ZNF804A: variants seen among roughly 807,000 people sequenced by gnomAD.
ZNF804A encodes the protein zinc finger protein 804A.
ZNF804A carries 2 observed loss-of-function variants against 16.5 expected under a neutral mutation model. The ratio of observed to expected loss-of-function variants is 0.12; its 90% CI spans 0.05 to 0.38. The LOEUF is 0.38. Among genes scored for constraint, ZNF804A ranks in the 10% least tolerant of loss-of-function variants. The pLI, the probability that ZNF804A is intolerant of heterozygous loss-of-function variation, is 0.99. For synonymous variants in ZNF804A, 534 were observed against 489.6 expected, an observed-to-expected ratio of 1.09 and a Z score of -1.20; for missense variants, 1,473 against 1,390.7, an observed-to-expected ratio of 1.06 and a Z score of -0.94.
intron 1 of ZNF804A, among the ~76,000 whole-genome samples, chr2:184,837,395 T>C (rs924845097): frequency 1.3e-5 from 2 of 152,244 alleles, no homozygotes; most frequent in Admixed American, 1.3e-4. Flanking sequence ...TAACATTAGA[T>C]ATGATGGCTT....
In ZNF804A at chr2:184,800,573, A is replaced by G. The variant is rs575651288; in HGVS notation, c.112-65796A>G. On this transcript the variant is annotated intron_variant, in intron 1 of 3. Coordinates refer to ENST00000302277, the MANE Select transcript of ZNF804A (RefSeq NM_194250.2). ...AAAAGTATTTTTTGGATCTTCAAAT[A>G]CTTATAGATTTTCTAGCTATCTCTT... Among the ~76,000 whole-genome samples the G allele has an allele frequency of 7.2e-5, 11 of 151,734 alleles. No homozygotes were observed. The East Asian group carries it at 2.1e-3, about 29-fold the overall frequency.
intron 1 of ZNF804A, among the ~76,000 whole-genome samples, chr2:184,719,949 A>T (rs1693279524): frequency 6.6e-6 from 1 of 152,136 alleles, no homozygotes; most frequent in Non-Finnish European, 1.5e-5. Context: ...AATGTAAAGT[A>T]TTATTTTGTT....
At chr2:184,917,467 G>C (rs1685467385) in intron 2 of ZNF804A, among the ~76,000 whole-genome samples, 1 of 152,004 alleles carries the variant, frequency 6.6e-6, no homozygotes. Flanking sequence ...ACAAATATGT[G>C]TGTGTGTGTA....
intron 1 of ZNF804A, among the ~76,000 whole-genome samples, chr2:184,630,474 G>A (rs1691587993): frequency 6.6e-6 from 1 of 152,072 alleles, no homozygotes; most frequent in Non-Finnish European, 1.5e-5. Flanking sequence ...TTTCTCAGAA[G>A]AAATATTTTA....
At chr2:184,619,614 A>T (rs1320787229) in intron 1 of ZNF804A, among the ~76,000 whole-genome samples, 1 of 152,014 alleles carries the variant, frequency 6.6e-6, no homozygotes, top group African/African-American at 2.4e-5. Context: ...GTTTATAATA[A>T]AAAACATGAT....
intron 1 of ZNF804A, among the ~76,000 whole-genome samples, chr2:184,796,504 T>C (rs1694630883): frequency 6.6e-6 from 1 of 152,194 alleles, no homozygotes; most frequent in Non-Finnish European, 1.5e-5. Flanking sequence ...TTTTCTAGTT[T>C]ATGTGCATAA....
rs1007398561 is a variant in ZNF804A, at chr2:184,761,457, T to G, written c.112-104912T>G. Among the ~76,000 whole-genome samples the G allele has an allele frequency of 3.9e-5, 6 of 152,236 alleles. No homozygotes were observed. In the South Asian group the frequency reaches 1.2e-3, roughly 32 times the overall value. ...TTTGAGGCATATGCATAGGATAGTT[T>G]GATGCATAAAATGATTGAAATAGCA... On this transcript the variant is annotated intron_variant, in intron 1 of 3. Coordinates refer to ENST00000302277, the MANE Select transcript of ZNF804A (RefSeq NM_194250.2).
intron 1 of ZNF804A, among the ~76,000 whole-genome samples, chr2:184,732,961 T>A (rs1473625570): frequency 6.6e-6 from 1 of 152,148 alleles, no homozygotes; most frequent in Non-Finnish European, 1.5e-5. Context: ...ACATAGATGA[T>A]CATGTCATCT....
At chr2:184,642,983 T>C (rs1042492623) in intron 1 of ZNF804A, among the ~76,000 whole-genome samples, 3 of 152,078 alleles carry the variant, frequency 2.0e-5, no homozygotes, top group Non-Finnish European at 4.4e-5. Flanking sequence ...ACAATTACAG[T>C]TCTCTTTTAT....
At chr2:184,644,201 G>T (rs951686533) in intron 1 of ZNF804A, among the ~76,000 whole-genome samples, 1 of 148,720 alleles carries the variant, frequency 6.7e-6, no homozygotes, top group African/African-American at 2.5e-5. Context: ...AAGAACCAAG[G>T]AGAGATATGA....
rs546924815 is a variant in ZNF804A, at chr2:184,703,375, T to C, written c.111+104305T>C. Reference sequence around the variant, plus strand: ...ATAAAGCATGCATAGTGAACACATATACTCTAGTTATAGTTAATAATCATT... The same window carrying C: ...ATAAAGCATGCATAGTGAACACATACACTCTAGTTATAGTTAATAATCATT... On this transcript the variant is annotated intron_variant, in intron 1 of 3. Coordinates refer to ENST00000302277, the MANE Select transcript of ZNF804A (RefSeq NM_194250.2). Among the ~76,000 whole-genome samples, 5 of 152,198 alleles carry C rather than the reference T, an allele frequency of 3.3e-5. No individual in the cohort carries two copies. In the South Asian group the frequency reaches 1.0e-3, roughly 32 times the overall value.
chr2:184,625,344 A>G (rs1257254651), intron 1 of ZNF804A, among the ~76,000 whole-genome samples: 1 of 152,168 alleles, frequency 6.6e-6, no homozygotes, highest in Non-Finnish European at 1.5e-5. Flanking sequence ...TCACAAAGTC[A>G]TAAATTAGAT....
At chr2:184,781,006 C>T (rs551211477) in intron 1 of ZNF804A, among the ~76,000 whole-genome samples, 4 of 151,818 alleles carry the variant, frequency 2.6e-5, no homozygotes, top group African/African-American at 9.6e-5. Context: ...TGAAGTCTGA[C>T]TGGGGAGATG....
chr2:184,705,513 T>C (rs1693011577), intron 1 of ZNF804A, among the ~76,000 whole-genome samples: 1 of 152,218 alleles, frequency 6.6e-6, no homozygotes, highest in Non-Finnish European at 1.5e-5. Flanking sequence ...TGTTTTCTGC[T>C]TTTTTCTTCA....
chr2:184,616,627 G>T (rs568694612), intron 1 of ZNF804A, among the ~76,000 whole-genome samples: 4 of 152,212 alleles, frequency 2.6e-5, no homozygotes, highest in African/African-American at 9.6e-5. Context: ...GTGCTTTCGG[G>T]AGTCTAGGGA....
chr2:184,812,943 A>G (rs1383869394), intron 1 of ZNF804A, among the ~76,000 whole-genome samples: 2 of 152,194 alleles, frequency 1.3e-5, no homozygotes, highest in Admixed American at 6.6e-5. Context: ...CCAGTATTAA[A>G]GTCAAGCAAC....
At chr2:184,911,161 G>T (rs566331910) in intron 2 of ZNF804A, among the ~76,000 whole-genome samples, 1 of 152,080 alleles carries the variant, frequency 6.6e-6, no homozygotes, top group African/African-American at 2.4e-5. Context: ...GTGAGAGTTA[G>T]GGGTCCAGAT....
At chr2:184,619,753 C>T (rs1174047012) in intron 1 of ZNF804A, among the ~76,000 whole-genome samples, 1 of 151,460 alleles carries the variant, frequency 6.6e-6, no homozygotes, top group Non-Finnish European at 1.5e-5. Context: ...CTCATCACAA[C>T]CACAATAAAT....
chr2:184,621,342 C>A (rs531593971), intron 1 of ZNF804A, among the ~76,000 whole-genome samples: 26 of 151,722 alleles, frequency 1.7e-4, no homozygotes, highest in Non-Finnish European at 3.0e-4. Flanking sequence ...TTTCCCATTA[C>A]CAGCACTTGT....
Sources: allele counts gnomAD v4.1 joint callset (sites outside exome capture counted in the v4.1 genomes callset), GRCh38; gene constraint gnomAD v4.1.1; transcripts MANE v1.5; gene names NCBI Gene and HGNC (gene_info 2026-07-23, HGNC 2026-07-21).